The following MTUS2 variants were observed in gnomAD, a reference collection of about 807,000 sequenced individuals.
MTUS2 encodes microtubule associated scaffold protein 2.
In MTUS2, 40 loss-of-function variants were observed where a neutral mutation model predicts 114.1. That is an observed-to-expected ratio of 0.35 (90% CI 0.27 to 0.46). The LOEUF (loss-of-function observed/expected upper bound fraction) is 0.46, where lower values mean the gene tolerates loss of function less well. Among genes scored for constraint, MTUS2 ranks in the 20% least tolerant of loss-of-function variants. The pLI is 1.00. For missense variants in MTUS2, 1,679 were observed against 1,705.4 expected, an observed-to-expected ratio of 0.98 and a Z score of 0.27; for synonymous variants, 688 against 672.0, an observed-to-expected ratio of 1.02 and a Z score of -0.37.
chr13:29,392,028 T>C (rs759137388), intron 8 of MTUS2, among the ~76,000 whole-genome samples: 1 of 149,206 alleles, frequency 6.7e-6, no homozygotes, highest in African/African-American at 2.5e-5. Context: ...CTCTGGAGGC[T>C]GAGGCAGGAG....
At chr13:29,123,162 A>C (rs1435060052) in intron 5 of MTUS2, among the ~76,000 whole-genome samples, 2 of 152,196 alleles carry the variant, frequency 1.3e-5, no homozygotes, top group Non-Finnish European at 2.9e-5. Context: ...TTATTCATTT[A>C]CAATCAGCAC....
intron 8 of MTUS2, among the ~76,000 whole-genome samples, chr13:29,371,415 A>G (rs897164265): frequency 6.6e-6 from 1 of 151,884 alleles, no homozygotes; most frequent in Admixed American, 6.6e-5. Flanking sequence ...ATGGGGTTTC[A>G]CCATGTTGGC....
intron 5 of MTUS2, among the ~76,000 whole-genome samples, chr13:29,249,352 A>G (rs1897042395): frequency 1.3e-5 from 2 of 152,146 alleles, no homozygotes; most frequent in Admixed American, 1.3e-4. Flanking sequence ...GTCAAATGGT[A>G]TTTGTGGTTC....
At position 29,200,521 on chromosome 13, in the gene MTUS2, GTTTTT is replaced by G. The variant is rs56965083; in HGVS notation, c.2645-81171_2645-81167del. On this transcript the variant is annotated intron_variant, in intron 5 of 15. Transcript: ENST00000612955. Reference sequence around the variant, plus strand: ...TGGTTTTGAGTGAGTTTCTTTTTCTGTTTTTTTTTTTTTTTTGAGATGGAGTTTTG... The same window carrying G: ...TGGTTTTGAGTGAGTTTCTTTTTCTGTTTTTTTTTTTGAGATGGAGTTTTG... 4.7e-5 allele frequency among the ~76,000 whole-genome samples: 4 copies of G among 85,432 alleles called. No homozygotes were observed. In the Admixed American group the frequency reaches 6.4e-4, roughly 14 times the overall value. The allele number at this position is 85,432 out of a possible 152,430, so 56.0% of individuals were successfully genotyped here.
chr13:29,074,777 T>G (rs911555823), intron 4 of MTUS2, among the ~76,000 whole-genome samples: 3 of 152,214 alleles, frequency 2.0e-5, no homozygotes, highest in Non-Finnish European at 4.4e-5. Flanking sequence ...CGGAACTAGT[T>G]AACTAGCTAG....
At chr13:28,837,592 C>T (rs1322778169) in intron 1 of MTUS2, among the ~76,000 whole-genome samples, 1 of 152,108 alleles carries the variant, frequency 6.6e-6, no homozygotes, top group Non-Finnish European at 1.5e-5. Flanking sequence ...TTAGCCAGTA[C>T]TCCTTAATTT....
At chr13:28,996,172 T>A (rs1289973979) in intron 2 of MTUS2, among the ~76,000 whole-genome samples, 1 of 152,206 alleles carries the variant, frequency 6.6e-6, no homozygotes, top group Non-Finnish European at 1.5e-5. Context: ...GTTTTTGTCT[T>A]TGGTTCTGTT....
chr13:29,264,647 C>A (rs1897601018), intron 5 of MTUS2, among the ~76,000 whole-genome samples: 1 of 152,260 alleles, frequency 6.6e-6, no homozygotes, highest in Admixed American at 6.5e-5. Context: ...GAAGGCTTAA[C>A]ACCACATGGA....
chr13:28,905,569 T>C (rs1879946340), intron 2 of MTUS2, among the ~76,000 whole-genome samples: 1 of 151,636 alleles, frequency 6.6e-6, no homozygotes, highest in African/African-American at 2.4e-5. Flanking sequence ...TTGATTTTCG[T>C]ATGTTGAACC....
At chr13:29,035,294 T>C (rs1182013983) in intron 4 of MTUS2, among the ~76,000 whole-genome samples, 2 of 152,190 alleles carry the variant, frequency 1.3e-5, no homozygotes, top group African/African-American at 4.8e-5. Context: ...CACTGATGGG[T>C]ATCACTCCTA....
chr13:28,951,626 C>T (rs1489436668), intron 2 of MTUS2, among the ~76,000 whole-genome samples: 3 of 151,960 alleles, frequency 2.0e-5, no homozygotes, highest in Non-Finnish European at 4.4e-5. Flanking sequence ...TGGTAAAACC[C>T]CATTTCTACT....
chr13:29,229,980 C>T (rs1896260718), intron 5 of MTUS2, among the ~76,000 whole-genome samples: 1 of 152,200 alleles, frequency 6.6e-6, no homozygotes, highest in African/African-American at 2.4e-5. Context: ...GGCACAATGG[C>T]TCACGCCTGT....
intron 4 of MTUS2, among the ~76,000 whole-genome samples, chr13:29,051,802 T>C (rs226906): frequency 0.97 from 147,865 of 152,340 alleles, 71,784 homozygotes; most frequent in Non-Finnish European, 0.98. Flanking sequence ...GACCAATCCT[T>C]ATTAGCCAGA....
At chr13:29,139,966 C>A (rs537022797) in intron 5 of MTUS2, among the ~76,000 whole-genome samples, 1 of 152,146 alleles carries the variant, frequency 6.6e-6, no homozygotes, top group Admixed American at 6.5e-5. Flanking sequence ...TAGTCAGCAA[C>A]GTTTTTGCAA....
intron 5 of MTUS2, among the ~76,000 whole-genome samples, chr13:29,149,112 C>T (rs1247492108): frequency 6.6e-6 from 1 of 152,166 alleles, no homozygotes; most frequent in Non-Finnish European, 1.5e-5. Flanking sequence ...CACCATCTTC[C>T]ACAATGTCAG....
At chr13:29,361,680 G>C (rs1353573275) in intron 8 of MTUS2, among the ~76,000 whole-genome samples, 1 of 152,132 alleles carries the variant, frequency 6.6e-6, no homozygotes, top group African/African-American at 2.4e-5. Flanking sequence ...CAGGTCAGGA[G>C]AACCCAAGGT....
At chr13:29,481,617 A>G (rs1881183805) in intron 10 of MTUS2, among the ~76,000 whole-genome samples, 1 of 152,180 alleles carries the variant, frequency 6.6e-6, no homozygotes, top group South Asian at 2.1e-4. Flanking sequence ...CCAAATGGAC[A>G]TCTCAGACGA....
rs1593520729 is a variant in MTUS2 at position 29,497,669 on chromosome 13, C to T, written c.3678+333C>T. On this transcript the variant is annotated intron_variant, in intron 13 of 15. Coordinates refer to ENST00000612955, the MANE Select transcript of MTUS2 (RefSeq NM_001033602.4). ...CCCCTTCCAGCCCATTCTCCCGCAA[C>T]TTTTTAAGCTGACATGGGGCAGCCT... 4 of 301,560 alleles carry T rather than the reference C, an allele frequency of 1.3e-5. No individual in the cohort carries two copies. In the East Asian group the frequency reaches 2.5e-4, roughly 19 times the overall value. 18.7% of individuals were successfully genotyped at this position (301,560 alleles called of 1,614,324 possible).
At chr13:29,017,582 G>T (rs560784306) in intron 2 of MTUS2, among the ~76,000 whole-genome samples, 2 of 152,076 alleles carry the variant, frequency 1.3e-5, no homozygotes, top group African/African-American at 2.4e-5. Context: ...TCAAACTGAT[G>T]ATCAGAATAT....
Sources: gnomAD v4.1 joint callset for allele counts (sites outside exome capture counted in the v4.1 genomes callset) on GRCh38, gnomAD v4.1.1 for gene constraint, MANE v1.5 for transcripts, NCBI Gene and HGNC (gene_info 2026-07-23, HGNC 2026-07-21) for gene names.